CAMSAP1: variants seen among roughly 807,000 people sequenced by gnomAD.
CAMSAP1 encodes the protein calmodulin-regulated spectrin-associated protein 1.
In CAMSAP1, 58 loss-of-function variants were observed where a neutral mutation model predicts 143.5. That is an observed-to-expected ratio of 0.40 (90% CI 0.33 to 0.50). CAMSAP1 has a LOEUF of 0.50. CAMSAP1 is among the 20% of genes least tolerant of loss of function. CAMSAP1 has a pLI of 0.45. For synonymous variants in CAMSAP1, 945 were observed against 859.3 expected, an observed-to-expected ratio of 1.10 and a Z score of -1.74; for missense variants, 1,969 against 2,115.7, an observed-to-expected ratio of 0.93 and a Z score of 1.36.
In CAMSAP1 at chr9:135,821,776, T is replaced by A; in HGVS notation, c.2885A>T (p.Glu962Val). The A allele has an allele frequency of 6.2e-7, 1 of 1,613,890 alleles. No homozygotes were observed. ...SKTEDFLVKE[E>V]QREELLHEPQ... is the part of the protein sequence containing the mutation. ...CTCGTGAAGGAGCTCCTCTCTCTGC[T>A]CCTCCTTCACGAGAAAGTCTTCGGT... Residue 962 changes from glutamate (E) to valine (V), a missense_variant, in exon 11 of 17, where the codon GAG becomes GTG. By Grantham distance (121) the Glu-to-Val change is moderately radical. Around this residue, in one of 4 missense-constraint regions of CAMSAP1, gnomAD observed 1,390 missense variants for 1,420.8 expected, o/e 0.98. Coordinates refer to ENST00000389532, the MANE Select transcript of CAMSAP1 (RefSeq NM_015447.4). This position sits in a 1 kb window ranked among gnomAD's most constrained non-coding sequence, Gnocchi z 4.6.
intron 3 of CAMSAP1, among the ~76,000 whole-genome samples, chr9:135,880,857 A>G (rs1325101216): frequency 6.6e-6 from 1 of 152,208 alleles, no homozygotes; most frequent in African/African-American, 2.4e-5. Context: ...CTTATAAATC[A>G]TTAGACACTA....
At chr9:135,892,921 C>A (rs1032175517) in intron 1 of CAMSAP1, among the ~76,000 whole-genome samples, 1 of 145,060 alleles carries the variant, frequency 6.9e-6, no homozygotes, top group Non-Finnish European at 1.5e-5. Flanking sequence ...ATAATCTCAA[C>A]ACTTTGAGAG....
At chr9:135,827,674 A>G (rs1261947849) in intron 7 of CAMSAP1, 90 bp from the exon 8 acceptor site, 1 of 1,242,754 alleles carries the variant, frequency 8.0e-7, no homozygotes, top group East Asian at 2.7e-5. Flanking sequence ...CACTAACTCA[A>G]CCTTTTATTG....
At chr9:135,859,743 G>A (rs1837110414) in intron 5 of CAMSAP1, among the ~76,000 whole-genome samples, 1 of 151,922 alleles carries the variant, frequency 6.6e-6, no homozygotes, top group Non-Finnish European at 1.5e-5. Context: ...CTTAGATAAT[G>A]AGCTTCAATA....
intron 7 of CAMSAP1, among the ~76,000 whole-genome samples, chr9:135,834,705 G>A (rs1835959197): frequency 1.3e-5 from 2 of 152,188 alleles, no homozygotes; most frequent in South Asian, 4.1e-4. Context: ...AAGGCAGCAT[G>A]GGACTATAGT....
Position 135,819,095 on chromosome 9 carries a change from G to C in CAMSAP1, c.3874C>G (p.Leu1292Val). 1 of 1,603,466 alleles carries C rather than the reference G, an allele frequency of 6.2e-7. No individual in the cohort carries two copies. Among genetic ancestry groups the C allele is most frequent in the Non-Finnish European group, 8.5e-7 (1 of 1,176,392 alleles). ...ELAKKRAAFL[L>V]KQQRKAEEAR... ...TCCTCGGCCTTGCGCTGCTGCTTCAGGAGGAAGGCCGCCCGCTTCTTGGCG... is the reference window on the plus strand; with the variant it reads ...TCCTCGGCCTTGCGCTGCTGCTTCACGAGGAAGGCCGCCCGCTTCTTGGCG... Residue 1292 changes from leucine to valine, a missense_variant, in exon 12 of 17, where the codon CTG becomes GTG. Coordinates refer to ENST00000389532, the MANE Select transcript of CAMSAP1 (RefSeq NM_015447.4).
At position 135,822,810 on chromosome 9, in the gene CAMSAP1, T is replaced by C. The variant is rs1274363856; in HGVS notation, c.1851A>G (p.Glu617=). Residue 617 remains glutamate (E), a synonymous_variant, in exon 11 of 17, where the codon GAA becomes GAG. Transcript: ENST00000389532. The surrounding 1 kb of genome is among the most constrained non-coding windows in gnomAD (Gnocchi z 6.1). Reference sequence around the variant, plus strand: ...TAGACACGATGCTCCTCGGTCTCCCTTCCCCCCGTTCATCCTCCTTGGTGA... The same window carrying C: ...TAGACACGATGCTCCTCGGTCTCCCCTCCCCCCGTTCATCCTCCTTGGTGA... The part of the protein sequence containing the change: ...QVITKEDERG[E]GRPRSIVSRR... 1 of 1,613,828 alleles carries C rather than the reference T, an allele frequency of 6.2e-7. No individual in the cohort carries two copies. The highest frequency in any genetic ancestry group is 2.2e-5 in the East Asian group (1 of 44,882).
intron 7 of CAMSAP1, chr9:135,836,188 T>C: frequency 1.0e-6 from 1 of 985,282 alleles, no homozygotes; most frequent in Non-Finnish European, 1.2e-6. Flanking sequence ...CCACATACCT[T>C]TACCCGTTCC....
chr9:135,858,101 A>G (rs1837042609), intron 5 of CAMSAP1, among the ~76,000 whole-genome samples: 1 of 151,020 alleles, frequency 6.6e-6, no homozygotes, highest in South Asian at 2.1e-4. Context: ...AGGGTCCTAT[A>G]GGATGAGCCT....
At chr9:135,833,480 A>G (rs972885178) in intron 7 of CAMSAP1, among the ~76,000 whole-genome samples, 2 of 152,332 alleles carry the variant, frequency 1.3e-5, no homozygotes, top group East Asian at 3.9e-4. Flanking sequence ...CTGGCATAAA[A>G]ACAGACACAA....
intron 8 of CAMSAP1, among the ~76,000 whole-genome samples, chr9:135,825,933 A>G (rs924079387): frequency 6.6e-6 from 1 of 152,188 alleles, no homozygotes; most frequent in Non-Finnish European, 1.5e-5. Flanking sequence ...GAGGGGCTCA[A>G]GGCAGGGAGC....
Position 135,824,978 on chromosome 9 carries a change from CAA to C in CAMSAP1, c.1224-100_1224-99del. 2 of 952,346 alleles carry C rather than the reference CAA, an allele frequency of 2.1e-6. No homozygotes were observed. Among genetic ancestry groups the C allele is most frequent in the South Asian group, 3.3e-5 (2 of 60,936 alleles). 59.0% of individuals were successfully genotyped at this position (952,346 alleles called of 1,614,324 possible). On this transcript the variant is annotated intron_variant, in intron 8 of 16. Coordinates refer to ENST00000389532, the MANE Select transcript of CAMSAP1 (RefSeq NM_015447.4). The surrounding 1 kb of genome is among the most constrained non-coding windows in gnomAD (Gnocchi z 4.1). The stretch of plus-strand genomic sequence containing the variant: ...GTACAGGACCATCCTGAATTCACAC[CAA>C]GTTTTGAGAAACTCGGACTGTTTGG...
intron 1 of CAMSAP1, among the ~76,000 whole-genome samples, chr9:135,886,542 A>G (rs978787307): frequency 6.6e-6 from 1 of 152,242 alleles, no homozygotes; most frequent in Non-Finnish European, 1.5e-5. Flanking sequence ...TGGATGTTTC[A>G]TTCATTAGCT....
chr9:135,872,270 G>A (rs1165145601), intron 3 of CAMSAP1, among the ~76,000 whole-genome samples: 3 of 152,112 alleles, frequency 2.0e-5, no homozygotes, highest in African/African-American at 7.2e-5. Context: ...GCACAGCTGG[G>A]GTAGAATGAA....
At chr9:135,892,645 G>A (rs1372596822) in intron 1 of CAMSAP1, among the ~76,000 whole-genome samples, 1 of 151,894 alleles carries the variant, frequency 6.6e-6, no homozygotes, top group African/African-American at 2.4e-5. Flanking sequence ...GAGGTCAGGA[G>A]TTGGAGACCA....
At position 135,821,800 on chromosome 9, in the gene CAMSAP1, G is replaced by A; in HGVS notation, c.2861C>T (p.Thr954Ile). The A allele has an allele frequency of 3.7e-6, 6 of 1,613,980 alleles. No homozygotes were observed. Among genetic ancestry groups the A allele is most frequent in the Non-Finnish European group, 5.1e-6 (6 of 1,179,894 alleles). The part of the protein sequence containing the change: ...GEDCGDAVSK[T>I]EDFLVKEEQR... Reference sequence around the variant, plus strand: ...CTCCTCCTTCACGAGAAAGTCTTCGGTTTTGGAAACAGCGTCCCCACAGTC... The same window carrying A: ...CTCCTCCTTCACGAGAAAGTCTTCGATTTTGGAAACAGCGTCCCCACAGTC... The change falls in exon 11 of 17, where the codon ACC becomes ATC. Residue 954 changes from threonine (T) to isoleucine (I), a missense_variant. Physicochemically the swap from Thr to Ile is moderately conservative, Grantham distance 89. Coordinates refer to ENST00000389532, the MANE Select transcript of CAMSAP1 (RefSeq NM_015447.4). This position sits in a 1 kb window ranked among gnomAD's most constrained non-coding sequence, Gnocchi z 4.6.
rs192729526 is a variant in CAMSAP1, at chr9:135,838,734, G to A, written c.1046-11150C>T. On this transcript the variant is annotated intron_variant, in intron 7 of 16. Coordinates refer to ENST00000389532, the MANE Select transcript of CAMSAP1 (RefSeq NM_015447.4). ...CCGTTCTACAGACACACATCATCAT[G>A]CACTTTCCACCTGTTCTACAGACAC... is the stretch of plus-strand genomic sequence containing the variant. Among the ~76,000 whole-genome samples the A allele has an allele frequency of 5.0e-3, 721 of 142,826 alleles. 7 individuals are homozygous for A. The highest frequency in any genetic ancestry group is 0.018 in the African/African-American group (692 of 37,440). The allele number at this position is 142,826 out of a possible 152,430, so 93.7% of individuals were successfully genotyped here.
At chr9:135,834,052 G>T (rs1038343110) in intron 7 of CAMSAP1, among the ~76,000 whole-genome samples, 2 of 152,178 alleles carry the variant, frequency 1.3e-5, no homozygotes, top group African/African-American at 4.8e-5. Flanking sequence ...ACAGGTATGT[G>T]AAGAGTTGCT....
At chr9:135,873,394 T>C (rs7874498) in intron 3 of CAMSAP1, among the ~76,000 whole-genome samples, 16 of 149,882 alleles carry the variant, frequency 1.1e-4, no homozygotes, top group Non-Finnish European at 2.2e-4. Flanking sequence ...AATAACTAAC[T>C]CCCCCCTTAA....
Sources: allele counts gnomAD v4.1 joint callset (sites outside exome capture counted in the v4.1 genomes callset), GRCh38; gene constraint gnomAD v4.1.1; regional missense constraint gnomAD v4.1.1; non-coding constraint Gnocchi (gnomAD v3.1); transcripts MANE v1.5; gene names NCBI Gene and HGNC (gene_info 2026-07-23, HGNC 2026-07-21).